EPS15L1: variants seen among roughly 807,000 people sequenced by gnomAD.
EPS15L1 encodes the protein epidermal growth factor receptor pathway substrate 15 like 1.
A neutral mutation model predicts 117.1 loss-of-function variants in EPS15L1; 43 were observed. The ratio of observed to expected loss-of-function variants is 0.37; its 90% CI spans 0.29 to 0.47. EPS15L1 has a LOEUF of 0.47. EPS15L1 is among the 20% of genes least tolerant of loss of function. The pLI, the probability that EPS15L1 is intolerant of heterozygous loss-of-function variation, is 0.99. For missense variants in EPS15L1, 981 were observed against 1,164.0 expected, an observed-to-expected ratio of 0.84 and a Z score of 2.29; for synonymous variants, 459 against 470.5, an observed-to-expected ratio of 0.98 and a Z score of 0.32.
intron 1 of EPS15L1, among the ~76,000 whole-genome samples, chr19:16,457,311 G>A (rs1274625891): frequency 3.3e-5 from 5 of 152,156 alleles, no homozygotes; most frequent in Non-Finnish European, 5.9e-5. Context: ...GCACAGAGAC[G>A]GCTGCCAAGA....
At chr19:16,409,685 C>T (rs533630521) in intron 13 of EPS15L1, among the ~76,000 whole-genome samples, 48 of 152,286 alleles carry the variant, frequency 3.2e-4, no homozygotes, top group African/African-American at 1.1e-3. Flanking sequence ...CGCCTGTAAT[C>T]CCAGCACTTT....
At chr19:16,425,012 C>T in intron 9 of EPS15L1, 71 bp downstream of exon 9, 1 of 1,290,086 alleles carries the variant, frequency 7.8e-7, no homozygotes, top group Admixed American at 1.7e-5. Context: ...TCTGGGGTTG[C>T]ATGTTAAGAA....
At chr19:16,446,717 C>T (rs1192834057) in intron 1 of EPS15L1, among the ~76,000 whole-genome samples, 1 of 152,152 alleles carries the variant, frequency 6.6e-6, no homozygotes, top group Non-Finnish European at 1.5e-5. Context: ...TGCACCGGAC[C>T]ACAGGACAGC....
At chr19:16,361,021 C>T (rs753750678) in intron 23 of EPS15L1, among the ~76,000 whole-genome samples, 3 of 152,164 alleles carry the variant, frequency 2.0e-5, no homozygotes, top group Non-Finnish European at 1.5e-5. Flanking sequence ...ACAAGATTTT[C>T]ATGTATCAAG....
chr19:16,393,913 A>T, intron 18 of EPS15L1, 38 bp downstream of exon 18: 2 of 1,604,772 alleles, frequency 1.2e-6, no homozygotes, highest in Non-Finnish European at 1.7e-6. Context: ...AGGACTGGAC[A>T]CAGTCTAAAG....
rs1327586278 is a variant in EPS15L1 at position 16,413,422 on chromosome 19, C to A, written c.1266+351G>T. On this transcript the variant is annotated intron_variant, in intron 13 of 23. Transcript: ENST00000455140. ...AACTTCGACAAGGCCACCTTTGATG[C>A]CATCTCTAAGACCTACAGCTACCTG... The A allele has an allele frequency of 4.1e-6, 3 of 731,570 alleles. No homozygotes were observed. In the Admixed American group the frequency reaches 6.5e-5, roughly 16 times the overall value. The allele number at this position is 731,570 out of a possible 1,614,324, so 45.3% of individuals were successfully genotyped here.
Position 16,392,396 on chromosome 19 carries a change from C to G in EPS15L1, c.2011G>C (p.Gly671Arg), listed in dbSNP as rs2092486590. The change falls in exon 19 of 24, where the codon GGC becomes CGC. Residue 671 changes from glycine to arginine, a missense_variant. By Grantham distance (125) the Gly-to-Arg change is moderately radical. Around this residue, in one of 5 missense-constraint regions of EPS15L1, gnomAD observed 819 missense variants for 949.0 expected, o/e 0.86. Coordinates refer to ENST00000455140, the MANE Select transcript of EPS15L1 (RefSeq NM_001258374.3). ...TTGAAGAAGTCGTCAGTGGCAGAGC[C>G]ACGGAATGGGTCACTTTCTTTGAAA... Reference protein sequence around the residue: ...DPFKESDPFRGSATDDFFKKQ... With the variant: ...DPFKESDPFRRSATDDFFKKQ... 6.2e-7 allele frequency: 1 copy of G among 1,614,166 alleles called. No individual in the cohort carries two copies. The highest frequency in any genetic ancestry group is 8.5e-7 in the Non-Finnish European group (1 of 1,180,016).
chr19:16,391,389 A>G (rs2092472374), intron 19 of EPS15L1, among the ~76,000 whole-genome samples: 2 of 152,168 alleles, frequency 1.3e-5, no homozygotes, highest in East Asian at 3.8e-4. Flanking sequence ...AAAGGGGCCA[A>G]TAAGAAAATA....
intron 2 of EPS15L1, 98 bp from the exon 3 acceptor site, chr19:16,442,079 A>T: frequency 6.8e-7 from 1 of 1,475,104 alleles, no homozygotes; most frequent in Non-Finnish European, 9.5e-7. Flanking sequence ...CAGTGAACAG[A>T]AAAGGACAAA....
At chr19:16,401,265 G>A in intron 16 of EPS15L1, 1 of 985,462 alleles carries the variant, frequency 1.0e-6, no homozygotes, top group Non-Finnish European at 1.2e-6. Flanking sequence ...AGCAGCCCAG[G>A]GGACGCGTGT....
At position 16,469,006 on chromosome 19, in the gene EPS15L1, C is replaced by T. The variant is rs1162962141; in HGVS notation, c.33+2907G>A. 4.6e-5 allele frequency among the ~76,000 whole-genome samples: 7 copies of T among 152,018 alleles called. 1 individual carries two copies. The highest frequency in any genetic ancestry group is 4.6e-4 in the Admixed American group (7 of 15,244). On this transcript the variant is annotated intron_variant, in intron 1 of 23. Transcript: ENST00000455140. ...CTGCACTCCAGCCTGGGGGACAGAG[C>T]GAGACCCTGTCTCAAAAATCAAAAA...
Position 16,417,566 on chromosome 19 carries a change from A to C in EPS15L1, c.1179T>G (p.Ile393Met). ...VKELDDISQEIAQLQREKYSL... is the reference protein window; with the variant it reads ...VKELDDISQEMAQLQREKYSL... ...TTCCAACATACCTTTGTAACTGGGC[A>C]ATCTCTTGACTGATGTCATCAAGCT... The change falls in exon 12 of 24, where the codon ATT becomes ATG. Residue 393 changes from isoleucine to methionine, a missense_variant. This residue lies in a region of EPS15L1 where 819 missense variants were observed against 949.0 expected (regional missense o/e 0.86). Transcript: ENST00000455140. 1 of 1,614,094 alleles carries C rather than the reference A, an allele frequency of 6.2e-7. No homozygotes were observed. The highest frequency in any genetic ancestry group is 8.5e-7 in the Non-Finnish European group (1 of 1,179,940).
chr19:16,386,028 G>C, intron 20 of EPS15L1, 143 bp downstream of exon 20: 1 of 667,258 alleles, frequency 1.5e-6, no homozygotes, highest in Non-Finnish European at 2.7e-6. Flanking sequence ...GGCCTAATGG[G>C]CTCAGGCCAG....
intron 1 of EPS15L1, among the ~76,000 whole-genome samples, chr19:16,457,355 C>T (rs1328544859): frequency 7.2e-5 from 11 of 152,218 alleles, no homozygotes; most frequent in East Asian, 5.8e-4. Flanking sequence ...AGGGCCAGTC[C>T]GCAGCCAGCA....
chr19:16,359,733 G>A lies in EPS15L1; in HGVS notation c.2586+2046C>T, dbSNP rs539733403. 8.5e-5 allele frequency among the ~76,000 whole-genome samples: 13 copies of A among 152,142 alleles called. No homozygotes were observed. In the South Asian group the frequency reaches 1.2e-3, roughly 15 times the overall value. On this transcript the variant is annotated intron_variant, in intron 23 of 23. Transcript: ENST00000455140. Reference sequence around the variant, plus strand: ...TAAAATTAGCCAGATGTGGTGGTGCGCGCCTGAGGTCCCAGCTACGTGGGA... The same window carrying A: ...TAAAATTAGCCAGATGTGGTGGTGCACGCCTGAGGTCCCAGCTACGTGGGA...
Position 16,471,798 on chromosome 19 carries a change from A to T in EPS15L1, c.33+115T>A. The T allele has an allele frequency of 7.5e-6, 3 of 402,660 alleles. No homozygotes were observed. The highest frequency in any genetic ancestry group is 1.2e-5 in the Non-Finnish European group (3 of 257,588). 24.9% of individuals were successfully genotyped at this position (402,660 alleles called of 1,614,324 possible). A position where few individuals can be genotyped will look rare whatever the true frequency, so the allele number is the denominator to read the frequency against. On this transcript the variant is annotated intron_variant, in intron 1 of 23. Transcript: ENST00000455140. This position sits in a 1 kb window ranked among gnomAD's most constrained non-coding sequence, Gnocchi z 4.8. The stretch of plus-strand genomic sequence containing the variant: ...CCCACCCGCCCGCCGCAAGCCCTTC[A>T]GCACGCGCCGCCCCCGCCGCCGCCT...
chr19:16,440,062 T>C (rs1439318109), intron 4 of EPS15L1, among the ~76,000 whole-genome samples: 1 of 114,168 alleles, frequency 8.8e-6, no homozygotes, highest in Non-Finnish European at 1.8e-5. Context: ...TTAGACTCTG[T>C]CTCCAAAAAA....
intron 21 of EPS15L1, among the ~76,000 whole-genome samples, chr19:16,382,175 C>T (rs2092370504): frequency 6.6e-6 from 1 of 152,214 alleles, no homozygotes; most frequent in South Asian, 2.1e-4. Flanking sequence ...CAATTGGCAA[C>T]TCGCGAGGCG....
chr19:16,411,931 T>C (rs1461701147), intron 13 of EPS15L1, among the ~76,000 whole-genome samples: 1 of 152,178 alleles, frequency 6.6e-6, no homozygotes, highest in Non-Finnish European at 1.5e-5. Context: ...ACTCCTGGGC[T>C]CAAGCGATCC....
Sources: gnomAD v4.1 joint callset for allele counts (sites outside exome capture counted in the v4.1 genomes callset) on GRCh38, gnomAD v4.1.1 for gene constraint, gnomAD v4.1.1 regional missense constraint, Gnocchi (gnomAD v3.1) non-coding constraint, MANE v1.5 for transcripts, NCBI Gene and HGNC (gene_info 2026-07-23, HGNC 2026-07-21) for gene names.